The following ARHGEF26 variants were observed in gnomAD, a reference collection of about 807,000 sequenced individuals.
ARHGEF26 encodes Rho guanine nucleotide exchange factor (GEF) 26.
ARHGEF26 carries 59 observed loss-of-function variants against 89.4 expected under a neutral mutation model. The ratio of observed to expected loss-of-function variants is 0.66; its 90% CI spans 0.54 to 0.82. The LOEUF is 0.82. ARHGEF26 is among the 40% of genes least tolerant of loss of function. The pLI is 0.00. For synonymous variants in ARHGEF26, 500 were observed against 428.4 expected (o/e 1.17, Z -2.06); for missense variants, 1,234 against 1,085.6 (o/e 1.14, Z -1.92).
chr3:154,156,163 G>A (rs1215051235), intron 6 of ARHGEF26, among the ~76,000 whole-genome samples: 3 of 151,976 alleles, frequency 2.0e-5, no homozygotes, highest in African/African-American at 7.2e-5. Flanking sequence ...TGAGAAACAA[G>A]CAGTAAGAAA....
In ARHGEF26 at chr3:154,255,267, A is replaced by G. The variant is rs945901471; in HGVS notation, c.2474-64A>G. 7.2e-6 allele frequency: 11 copies of G among 1,531,202 alleles called. No individual in the cohort carries two copies. In the African/African-American group the frequency reaches 1.1e-4, roughly 15 times the overall value. 94.9% of individuals were successfully genotyped at this position (1,531,202 alleles called of 1,614,324 possible). A position where few individuals can be genotyped will look rare whatever the true frequency, so the allele number is the denominator to read the frequency against. On this transcript the variant is annotated intron_variant, in intron 14 of 14. Transcript: ENST00000465093. Reference sequence around the variant, plus strand: ...GGATGCTGCCTCTCAGCTTTTTCATATCCTTGGAGCCTGGCACACTCCAAA... The same window carrying G: ...GGATGCTGCCTCTCAGCTTTTTCATGTCCTTGGAGCCTGGCACACTCCAAA...
intron 3 of ARHGEF26, among the ~76,000 whole-genome samples, chr3:154,124,718 C>A (rs1718223116): frequency 6.6e-6 from 1 of 152,098 alleles, no homozygotes; most frequent in African/African-American, 2.4e-5. Flanking sequence ...GCTCCATCCC[C>A]ATGTTCCTCA....
intron 12 of ARHGEF26, among the ~76,000 whole-genome samples, chr3:154,244,912 T>G (rs1717703671): frequency 6.6e-6 from 1 of 151,964 alleles, no homozygotes; most frequent in African/African-American, 2.4e-5. Context: ...CACCCCCACT[T>G]TGCTGCTCAG....
At chr3:154,235,517 TAGAG>T (rs992422990) in intron 11 of ARHGEF26, among the ~76,000 whole-genome samples, 8 of 152,202 alleles carry the variant, frequency 5.3e-5, no homozygotes, top group African/African-American at 1.7e-4. Flanking sequence ...AGTTAGTTGT[TAGAG>T]GGCAGAAAAG....
chr3:154,221,537 G>A (rs185911775), intron 10 of ARHGEF26, among the ~76,000 whole-genome samples: 123 of 152,260 alleles, frequency 8.1e-4, no homozygotes, highest in African/African-American at 2.9e-3. Context: ...TTATTATAGT[G>A]TTGTTTGTAA....
intron 3 of ARHGEF26, among the ~76,000 whole-genome samples, chr3:154,128,699 C>G (rs1453785851): frequency 1.3e-5 from 2 of 152,188 alleles, no homozygotes; most frequent in East Asian, 1.9e-4. Flanking sequence ...GGCACTAGTT[C>G]TTCATCAGAG....
At chr3:154,184,205 C>T (rs1200811907) in intron 6 of ARHGEF26, among the ~76,000 whole-genome samples, 1 of 152,158 alleles carries the variant, frequency 6.6e-6, no homozygotes, top group African/African-American at 2.4e-5. Context: ...ATCTCCTGAC[C>T]TTGTGATCCA....
chr3:154,148,869 A>G (rs1433887835), intron 4 of ARHGEF26, among the ~76,000 whole-genome samples: 1 of 152,202 alleles, frequency 6.6e-6, no homozygotes, highest in African/African-American at 2.4e-5. Context: ...AGAACATTCC[A>G]AGATACATGT....
At chr3:154,172,174 A>G (rs1712491590) in intron 6 of ARHGEF26, among the ~76,000 whole-genome samples, 1 of 152,178 alleles carries the variant, frequency 6.6e-6, no homozygotes, top group Admixed American at 6.5e-5. Flanking sequence ...ACACTTTTGG[A>G]ACTCTGGAGT....
intron 6 of ARHGEF26, among the ~76,000 whole-genome samples, chr3:154,164,942 T>C (rs1290776171): frequency 6.6e-6 from 1 of 152,134 alleles, no homozygotes; most frequent in Non-Finnish European, 1.5e-5. Flanking sequence ...AAAGCTGGAG[T>C]GATTAAGTTA....
chr3:154,126,341 T>G (rs902076379), intron 3 of ARHGEF26, among the ~76,000 whole-genome samples: 1 of 152,090 alleles, frequency 6.6e-6, no homozygotes, highest in South Asian at 2.1e-4. Flanking sequence ...TAAACCTGAA[T>G]CTCTTCTGGT....
intron 4 of ARHGEF26, among the ~76,000 whole-genome samples, chr3:154,134,548 C>G (rs569089579): frequency 6.6e-6 from 1 of 152,128 alleles, no homozygotes; most frequent in South Asian, 2.1e-4. Flanking sequence ...CCTGGTCCCC[C>G]CAACAACATG....
chr3:154,180,117 T>C (rs973588652), intron 6 of ARHGEF26, among the ~76,000 whole-genome samples: 1 of 152,188 alleles, frequency 6.6e-6, no homozygotes, highest in Admixed American at 6.5e-5. Context: ...CTGACTCTTA[T>C]CCTCCTGCCT....
intron 12 of ARHGEF26, among the ~76,000 whole-genome samples, chr3:154,251,662 C>G (rs1412319511): frequency 6.6e-6 from 1 of 152,112 alleles, no homozygotes; most frequent in African/African-American, 2.4e-5. Context: ...CAGAGGAGCC[C>G]CCACTGGAGG....
At chr3:154,254,929 A>C in intron 14 of ARHGEF26, 105 bp downstream of exon 14, 2 of 929,998 alleles carry the variant, frequency 2.2e-6, no homozygotes, top group Non-Finnish European at 3.4e-6. Context: ...AAATCTTGAC[A>C]TGTTAATGTT....
At chr3:154,154,709 A>G (rs376200809) in intron 6 of ARHGEF26, among the ~76,000 whole-genome samples, 1 of 151,986 alleles carries the variant, frequency 6.6e-6, no homozygotes, top group African/African-American at 2.4e-5. Context: ...CTCTTTATTC[A>G]TGTAACAACA....
chr3:154,175,156 C>T (rs934452981), intron 6 of ARHGEF26, among the ~76,000 whole-genome samples: 2 of 152,036 alleles, frequency 1.3e-5, no homozygotes, highest in Admixed American at 1.3e-4. Context: ...GATGGCATCC[C>T]ATTCATCTTG....
Position 154,150,912 on chromosome 3 carries a change from G to T in ARHGEF26, c.1326+1467G>T, listed in dbSNP as rs569233727. Among the ~76,000 whole-genome samples the T allele has an allele frequency of 2.6e-5, 4 of 152,160 alleles. No individual in the cohort carries two copies. The East Asian group carries it at 7.7e-4, about 29-fold the overall frequency. On this transcript the variant is annotated intron_variant, in intron 5 of 14. Coordinates refer to ENST00000465093, the MANE Select transcript of ARHGEF26 (RefSeq NM_015595.4). The stretch of plus-strand genomic sequence containing the variant: ...TAAATAGTTGATGGTATTATTGCAG[G>T]ATATTTTAGCAATTATTTTATTAAA...
intron 12 of ARHGEF26, among the ~76,000 whole-genome samples, chr3:154,247,414 C>T (rs536423119): frequency 6.6e-6 from 1 of 152,240 alleles, no homozygotes; most frequent in Admixed American, 6.5e-5. Context: ...CCCATCTTTC[C>T]ATTCCACTGC....
Sources: allele counts gnomAD v4.1 joint callset (sites outside exome capture counted in the v4.1 genomes callset), GRCh38; gene constraint gnomAD v4.1.1; transcripts MANE v1.5; gene names NCBI Gene and HGNC (gene_info 2026-07-23, HGNC 2026-07-21).